GAGE1: variants seen among roughly 807,000 people sequenced by gnomAD.
The protein encoded by GAGE1 is G antigen 4.
A neutral mutation model predicts 5.0 loss-of-function variants in GAGE1; 5 were observed. The observed-to-expected ratio is 1.00, with a 90% CI of 0.52 to 2.11. The LOEUF is 2.11. GAGE1 is among the 30% of genes most tolerant of loss of function. GAGE1 has a pLI of 0.01. For missense variants in GAGE1, 9 were observed against 38.9 expected, an observed-to-expected ratio of 0.23 and a Z score of 2.04; for synonymous variants, 6 against 14.8, an observed-to-expected ratio of 0.40 and a Z score of 1.37.
chrX:49,602,713 C>T (rs1205938750), intron 3 of GAGE1, among the ~76,000 whole-genome samples: 3 of 90,751 alleles, frequency 3.3e-5, no homozygotes, highest in Middle Eastern at 5.8e-3. Flanking sequence ...CTTGGATCAT[C>T]ACTGCACAAA....
rs2066662176 is a variant in GAGE1, at chrX:49,606,800, A to C, written c.*785A>C. 1 of 112,122 alleles carries C rather than the reference A, an allele frequency of 8.9e-6. No individual in the cohort carries two copies. Among genetic ancestry groups the C allele is most frequent in the South Asian group, 3.7e-4 (1 of 2,684 alleles). The allele number at this position is 112,122 out of a possible 1,213,427, so 9.2% of individuals were successfully genotyped here. A position where few individuals can be genotyped will look rare whatever the true frequency, so the allele number is the denominator to read the frequency against. ...GTGAATTGAGATTTCTTTGCTACTAAGAAAGTGAGCGGGCACTCTGCTTCA... is the reference window on the plus strand; with the variant it reads ...GTGAATTGAGATTTCTTTGCTACTACGAAAGTGAGCGGGCACTCTGCTTCA... On this transcript the variant is annotated 3_prime_UTR_variant, in exon 5 of 5. Coordinates refer to ENST00000381700, the MANE Select transcript of GAGE1 (RefSeq NM_001040663.4).
Position 49,606,326 on chromosome X carries a change from T to G in GAGE1, c.*311T>G. The G allele has an allele frequency of 7.1e-6, 1 of 140,481 alleles. No homozygotes were observed. The highest frequency in any genetic ancestry group is 1.4e-5 in the Non-Finnish European group (1 of 70,744). 11.6% of individuals were successfully genotyped at this position (140,481 alleles called of 1,213,427 possible). A position where few individuals can be genotyped will look rare whatever the true frequency, so the allele number is the denominator to read the frequency against. On this transcript the variant is annotated 3_prime_UTR_variant, in exon 5 of 5. Coordinates refer to ENST00000381700, the MANE Select transcript of GAGE1 (RefSeq NM_001040663.4). ...TTCAACCTACAGAATCATATCATTTTTGAATAAGAACAATTTTGTTTCTGC... is the reference window on the plus strand; with the variant it reads ...TTCAACCTACAGAATCATATCATTTGTGAATAAGAACAATTTTGTTTCTGC...
At chrX:49,602,552 C>G (rs1602748487) in intron 3 of GAGE1, among the ~76,000 whole-genome samples, 2 of 77,632 alleles carry the variant, frequency 2.6e-5, no homozygotes, top group African/African-American at 7.0e-5. Context: ...ACCGTGCTGC[C>G]CACACACTCA....
intron 4 of GAGE1, 27 bp from the exon 5 acceptor site, chrX:49,605,966 G>A (rs782769820): frequency 1.0e-6 from 1 of 990,392 alleles, no homozygotes; most frequent in Non-Finnish European, 1.3e-6. Context: ...GCTCTGTAAT[G>A]TTCCCAACTG....
intron 3 of GAGE1, among the ~76,000 whole-genome samples, chrX:49,602,056 G>C (rs1431355125): frequency 9.3e-6 from 1 of 107,812 alleles, no homozygotes; most frequent in Admixed American, 1.0e-4. Flanking sequence ...TGCACTCATA[G>C]TCCCAGCTAC....
At chrX:49,604,073 G>A (rs5906839) in intron 4 of GAGE1, among the ~76,000 whole-genome samples, 3 of 112,519 alleles carry the variant, frequency 2.7e-5, no homozygotes, top group Admixed American at 9.4e-5. Flanking sequence ...GGTTGTTCCC[G>A]AACTCCTGAC....
At chrX:49,604,417 G>A (rs2066638359) in intron 4 of GAGE1, among the ~76,000 whole-genome samples, 1 of 112,493 alleles carries the variant, frequency 8.9e-6, no homozygotes, top group Non-Finnish European at 1.9e-5. Context: ...ATCACTTGGT[G>A]TGAAAAATGC....
chrX:49,602,120 G>A (rs1348893664), intron 3 of GAGE1, among the ~76,000 whole-genome samples: 27 of 111,088 alleles, frequency 2.4e-4, no homozygotes, highest in Non-Finnish European at 3.8e-4. Flanking sequence ...AGCCCAGCCT[G>A]GGAAACACAG....
At position 49,608,197 on chromosome X, in the gene GAGE1, A is replaced by G. The variant is rs1029438975; in HGVS notation, c.*2182A>G. ...CCAAAATGTGGCACACAAACCTTGC[A>G]TGGTGTCTCTAGGGCCTCCTACCCC... On this transcript the variant is annotated 3_prime_UTR_variant, in exon 5 of 5. Coordinates refer to ENST00000381700, the MANE Select transcript of GAGE1 (RefSeq NM_001040663.4). 8.9e-6 allele frequency: 1 copy of G among 111,748 alleles called. No homozygotes were observed. The highest frequency in any genetic ancestry group is 1.9e-5 in the Non-Finnish European group (1 of 53,243). 9.2% of individuals were successfully genotyped at this position (111,748 alleles called of 1,213,427 possible). A position where few individuals can be genotyped will look rare whatever the true frequency, so the allele number is the denominator to read the frequency against.
intron 3 of GAGE1, 33 bp from the exon 4 acceptor site, chrX:49,603,635 T>C (rs1348735488): frequency 8.3e-7 from 1 of 1,211,330 alleles, no homozygotes; most frequent in African/African-American, 1.7e-5. Context: ...TATGTTTTAC[T>C]GCTTAAATTG....
At chrX:49,604,713 A>C (rs781992643) in intron 4 of GAGE1, among the ~76,000 whole-genome samples, 4 of 112,185 alleles carry the variant, frequency 3.6e-5, no homozygotes, top group Admixed American at 9.4e-5. Flanking sequence ...GTTAGTAAGA[A>C]AGTGAGGGGG....
At position 49,605,647 on chromosome X, in the gene GAGE1, C is replaced by G. The variant is rs181153571; in HGVS notation, c.332-346C>G. 6.3e-3 allele frequency among the ~76,000 whole-genome samples: 706 copies of G among 111,689 alleles called. 1 individual carries two copies. Among genetic ancestry groups the G allele is most frequent in the South Asian group, 0.026 (69 of 2,647 alleles). On this transcript the variant is annotated intron_variant, in intron 4 of 4. Coordinates refer to ENST00000381700, the MANE Select transcript of GAGE1 (RefSeq NM_001040663.4). ...TGTTGCTCAGCCGGGCGCTGTGGCT[C>G]ACGCCTGTAATCCCAGCACTTTGGA...
At position 49,603,759 on chromosome X, in the gene GAGE1, G is replaced by C. The variant is rs781835839; in HGVS notation, c.297G>C (p.Pro99=). The C allele has an allele frequency of 1.7e-6, 2 of 1,161,686 alleles. No homozygotes were observed. The highest frequency in any genetic ancestry group is 4.9e-5 in the Admixed American group (2 of 40,692). Residue 99 remains proline (P), a synonymous_variant, in exon 4 of 5, where the codon CCG becomes CCC. Coordinates refer to ENST00000381700, the MANE Select transcript of GAGE1 (RefSeq NM_001040663.4). ...EDGPDGQEMD[P]PNPEEVKTPE... is the part of the protein sequence containing the mutation. The stretch of plus-strand genomic sequence containing the variant: ...GTCCTGATGGGCAGGAGATGGACCC[G>C]CCAAATCCAGAGGAGGTGAAAACGC...
chrX:49,604,471 G>T (rs1311552703), intron 4 of GAGE1, among the ~76,000 whole-genome samples: 2 of 112,230 alleles, frequency 1.8e-5, no homozygotes, highest in African/African-American at 6.5e-5. Flanking sequence ...TACAGCCTTG[G>T]TGAGATTCTG....
chrX:49,604,945 C>G lies in GAGE1; in HGVS notation c.332-1048C>G, dbSNP rs1163885711. The stretch of plus-strand genomic sequence containing the variant: ...ACCTCAGCCTCCTGAGTGGCTGGAA[C>G]TACATGCACAAGCCAACGTACCTGA... On this transcript the variant is annotated intron_variant, in intron 4 of 4. Transcript: ENST00000381700. 1.1e-4 allele frequency: 61 copies of G among 552,263 alleles called. 1 individual carries two copies. The highest frequency in any genetic ancestry group is 5.1e-4 in the Admixed American group (17 of 33,248). 45.5% of individuals were successfully genotyped at this position (552,263 alleles called of 1,213,427 possible).
At chrX:49,604,749 G>A (rs782055682) in intron 4 of GAGE1, among the ~76,000 whole-genome samples, 3 of 112,044 alleles carry the variant, frequency 2.7e-5, no homozygotes, top group African/African-American at 6.5e-5. Flanking sequence ...TAGTTTTTCC[G>A]TGTGGAGAGC....
At chrX:49,604,438 A>G (rs2066638653) in intron 4 of GAGE1, among the ~76,000 whole-genome samples, 1 of 112,691 alleles carries the variant, frequency 8.9e-6, no homozygotes. Context: ...TGAAGCACTC[A>G]TGCGGGTTCT....
At chrX:49,605,024 A>G (rs782279724) in intron 4 of GAGE1, 25 of 1,018,915 alleles carry the variant, frequency 2.5e-5, no homozygotes, top group Admixed American at 1.2e-4. Context: ...TGTTGCCCAG[A>G]CTGGGATTCT....
chrX:49,605,376 A>G (rs782231589), intron 4 of GAGE1, among the ~76,000 whole-genome samples: 1 of 112,496 alleles, frequency 8.9e-6, no homozygotes, highest in Non-Finnish European at 1.9e-5. Flanking sequence ...AATCAACTGA[A>G]GTATATTTCA....
Sources: allele counts gnomAD v4.1 joint callset (sites outside exome capture counted in the v4.1 genomes callset), GRCh38; gene constraint gnomAD v4.1.1; transcripts MANE v1.5; gene names NCBI Gene and HGNC (gene_info 2026-07-23, HGNC 2026-07-21).